ADAMDEC1: variants seen among roughly 807,000 people sequenced by gnomAD.
ADAMDEC1 encodes the protein ADAM DEC1.
In ADAMDEC1, 62 loss-of-function variants were observed where a neutral mutation model predicts 60.4. The observed-to-expected ratio is 1.03, with a 90% CI of 0.84 to 1.27. ADAMDEC1 has a LOEUF of 1.27. Ranked by LOEUF, ADAMDEC1 falls within the 50% of genes most tolerant of loss-of-function variation. ADAMDEC1 has a pLI of 0.00. For missense variants in ADAMDEC1, 595 were observed against 565.0 expected, an observed-to-expected ratio of 1.05 and a Z score of -0.54; for synonymous variants, 210 against 195.1, an observed-to-expected ratio of 1.08 and a Z score of -0.64.
intron 2 of ADAMDEC1, among the ~76,000 whole-genome samples, chr8:24,392,886 G>GTTTTTTTTT (rs34415946): frequency 4.0e-5 from 2 of 50,386 alleles, no homozygotes; most frequent in Admixed American, 2.3e-4. Flanking sequence ...GGGTTGAGAG[G>GTTTTTTTTT]TTTTTTTTTT....
At chr8:24,399,204 T>C (rs945353570) in intron 9 of ADAMDEC1, among the ~76,000 whole-genome samples, 164 bp downstream of exon 9, 4 of 152,180 alleles carry the variant, frequency 2.6e-5, no homozygotes, top group South Asian at 4.1e-4. Flanking sequence ...AATAATCAGA[T>C]GATAGAATGA....
In ADAMDEC1 at chr8:24,404,034, C is replaced by G. The variant is rs147608974; in HGVS notation, c.1352C>G (p.Thr451Arg). Residue 451 changes from threonine (T) to arginine (R), a missense_variant, in exon 13 of 14, where the codon ACG (threonine) becomes AGG (arginine). Thr to Arg is a moderately conservative substitution (Grantham distance 71). Coordinates refer to ENST00000256412, the MANE Select transcript of ADAMDEC1 (RefSeq NM_014479.3). ...ECTNLCCEAL[T>R]CKLKPGTDCG... ...ACCAATCTCTGCTGTGAAGCCCTAACGTGTAAACTGAAGCCTGGAACTGAT... is the reference window on the plus strand; with the variant it reads ...ACCAATCTCTGCTGTGAAGCCCTAAGGTGTAAACTGAAGCCTGGAACTGAT... 1 of 1,613,680 alleles carries G rather than the reference C, an allele frequency of 6.2e-7. No homozygotes were observed.
chr8:24,394,231 C>G, intron 4 of ADAMDEC1, 84 bp downstream of exon 4: 1 of 1,063,226 alleles, frequency 9.4e-7, no homozygotes, highest in Non-Finnish European at 1.4e-6. Flanking sequence ...CTCCAAAGGG[C>G]TCAATTATTT....
rs76876957 is a variant in ADAMDEC1 at position 24,392,659 on chromosome 8, G to A, written c.207+279G>A. ...GTGAGGAGAGAAGCCCGGGAAGGTC[G>A]GCCATCTTTAACGGAGATGTTGTTC... On this transcript the variant is annotated intron_variant, in intron 2 of 13. Transcript: ENST00000256412. Among the ~76,000 whole-genome samples the A allele has an allele frequency of 0.012, 1,877 of 152,168 alleles. 73 individuals carry two copies. In the East Asian group the frequency reaches 0.14, roughly 11 times the overall value.
At chr8:24,398,697 A>G in intron 8 of ADAMDEC1, 146 bp downstream of exon 8, 1 of 918,692 alleles carries the variant, frequency 1.1e-6, no homozygotes, top group Non-Finnish European at 1.6e-6. Context: ...AACAAGCATC[A>G]ACATCAAGGT....
chr8:24,391,579 T>C (rs936734987), intron 1 of ADAMDEC1, among the ~76,000 whole-genome samples: 4 of 151,862 alleles, frequency 2.6e-5, no homozygotes, highest in East Asian at 1.9e-4. Flanking sequence ...ATCAAGAACA[T>C]TGTGTCCATA....
At chr8:24,396,372 T>C (rs1044126198) in intron 5 of ADAMDEC1, among the ~76,000 whole-genome samples, 4 of 151,346 alleles carry the variant, frequency 2.6e-5, no homozygotes, top group Non-Finnish European at 5.9e-5. Context: ...AATAGCCGAG[T>C]GTGGTGGCTG....
intron 10 of ADAMDEC1, 127 bp downstream of exon 10, chr8:24,399,601 C>T: frequency 1.2e-6 from 1 of 835,984 alleles, no homozygotes; most frequent in Non-Finnish European, 2.0e-6. Flanking sequence ...AATGAAACTA[C>T]TGGTAGGTCA....
intron 1 of ADAMDEC1, 106 bp downstream of exon 1, chr8:24,384,698 A>C (rs1236035389): frequency 3.2e-5 from 33 of 1,021,904 alleles, no homozygotes; most frequent in Non-Finnish European, 4.3e-5. Flanking sequence ...TCGAAAGACC[A>C]TTACCATTTG....
At position 24,402,077 on chromosome 8, in the gene ADAMDEC1, T is replaced by C. The variant is rs1209055717; in HGVS notation, c.1305T>C (p.Asp435=). The part of the protein sequence containing the change: ...NHLLEVGEDC[D]CGSPKECTNL... ...TTCTAGAAGTGGGAGAAGACTGTGA[T>C]TGTGGCTCTCCTAAGGTATTATTTA... The change falls in exon 12 of 14, where the codon GAT becomes GAC. Residue 435 remains aspartate, a synonymous_variant. Transcript: ENST00000256412. The C allele has an allele frequency of 2.5e-6, 4 of 1,610,746 alleles. No individual in the cohort carries two copies. The highest frequency in any genetic ancestry group is 2.2e-5 in the South Asian group (2 of 90,808).
intron 10 of ADAMDEC1, 104 bp from the exon 11 acceptor site, chr8:24,400,066 G>A (rs777453167): frequency 8.6e-6 from 8 of 930,802 alleles, no homozygotes; most frequent in Non-Finnish European, 1.2e-5. Flanking sequence ...AGGGAAAGGA[G>A]CTAACAATTC....
intron 1 of ADAMDEC1, chr8:24,390,290 T>C (rs979961857): frequency 1.4e-6 from 1 of 729,906 alleles, no homozygotes; most frequent in African/African-American, 1.8e-5. Context: ...AAAAATCAAA[T>C]GTAGTGATTT....
At position 24,397,474 on chromosome 8, in the gene ADAMDEC1, A is replaced by C. The variant is rs201270131; in HGVS notation, c.627+18A>C. On this transcript the variant is annotated intron_variant, in intron 6 of 13. Coordinates refer to ENST00000256412, the MANE Select transcript of ADAMDEC1 (RefSeq NM_014479.3). ...GCCCAGAGGTGAATACAATTCCCTTACCTCATCATTTACTTCAATTGTCTC... is the reference window on the plus strand; with the variant it reads ...GCCCAGAGGTGAATACAATTCCCTTCCCTCATCATTTACTTCAATTGTCTC... 1.2e-6 allele frequency: 2 copies of C among 1,607,982 alleles called. No individual in the cohort carries two copies. The highest frequency in any genetic ancestry group is 2.2e-5 in the East Asian group (1 of 44,812).
chr8:24,400,588 C>T (rs530529875), intron 11 of ADAMDEC1, among the ~76,000 whole-genome samples: 1 of 151,466 alleles, frequency 6.6e-6, no homozygotes, highest in African/African-American at 2.4e-5. Flanking sequence ...TGCTATTTTA[C>T]AAGTAAATTA....
chr8:24,391,417 A>G (rs995305666), intron 1 of ADAMDEC1, among the ~76,000 whole-genome samples: 4 of 152,204 alleles, frequency 2.6e-5, no homozygotes, highest in African/African-American at 9.6e-5. Context: ...ACACTAACCT[A>G]TACCTTAGAT....
At chr8:24,396,853 C>T (rs980013813) in intron 5 of ADAMDEC1, among the ~76,000 whole-genome samples, 2 of 152,296 alleles carry the variant, frequency 1.3e-5, no homozygotes, top group South Asian at 4.1e-4. Context: ...TACTTCTAAT[C>T]CCAACGTGTT....
chr8:24,404,123 T>G (rs750061131), intron 13 of ADAMDEC1, 35 bp downstream of exon 13: 11 of 1,586,758 alleles, frequency 6.9e-6, no homozygotes, highest in Middle Eastern at 1.7e-4. Flanking sequence ...CCAAAACGTT[T>G]TCTCACGTTT....
chr8:24,393,398 C>G (rs2129359184), intron 3 of ADAMDEC1, 60 bp downstream of exon 3: 3 of 1,154,888 alleles, frequency 2.6e-6, no homozygotes, highest in South Asian at 2.8e-5. Context: ...GGGGAGCAAT[C>G]TTTTTGAGGC....
intron 1 of ADAMDEC1, among the ~76,000 whole-genome samples, chr8:24,386,675 G>T (rs7010329): frequency 6.6e-6 from 1 of 152,036 alleles, no homozygotes. Context: ...CCTTCCTACT[G>T]TATCTATTCC....
Sources: allele counts gnomAD v4.1 joint callset (sites outside exome capture counted in the v4.1 genomes callset), GRCh38; gene constraint gnomAD v4.1.1; transcripts MANE v1.5; gene names NCBI Gene and HGNC (gene_info 2026-07-23, HGNC 2026-07-21).